HSP90AA1: variants seen among roughly 807,000 people sequenced by gnomAD.
HSP90AA1 encodes the protein heat shock protein HSP 90-alpha.
Under a neutral mutation model 73.3 loss-of-function variants are expected in HSP90AA1, and 18 were observed. That is an observed-to-expected ratio of 0.25 (90% confidence interval 0.17 to 0.36). HSP90AA1 has a LOEUF of 0.36. HSP90AA1 is among the 10% of genes least tolerant of loss of function. HSP90AA1 has a pLI of 1.00. For synonymous variants in HSP90AA1, 477 were observed against 296.9 expected, an observed-to-expected ratio of 1.61 and a Z score of -6.24; for missense variants, 704 against 874.2, an observed-to-expected ratio of 0.81 and a Z score of 2.45.
At chr14:102,105,382 T>G (rs2049553823) in intron 1 of HSP90AA1, among the ~76,000 whole-genome samples, 1 of 151,922 alleles carries the variant, frequency 6.6e-6, no homozygotes, top group African/African-American at 2.4e-5. Context: ...TGATGTAAAA[T>G]AGCCTCAGGG....
At chr14:102,117,147 G>T (rs937758264) in intron 1 of HSP90AA1, among the ~76,000 whole-genome samples, 2 of 152,192 alleles carry the variant, frequency 1.3e-5, no homozygotes, top group East Asian at 1.9e-4. Context: ...GCCAAGGGGG[G>T]TGCTAAGGGC....
chr14:102,116,085 G>A (rs989859552), intron 1 of HSP90AA1, among the ~76,000 whole-genome samples: 3 of 151,722 alleles, frequency 2.0e-5, no homozygotes, highest in Non-Finnish European at 4.4e-5. Flanking sequence ...CTAAGTAGTT[G>A]AGACTACAGG....
intron 2 of HSP90AA1, among the ~76,000 whole-genome samples, chr14:102,098,549 C>T (rs1198210299): frequency 1.3e-5 from 2 of 149,890 alleles, no homozygotes; most frequent in Non-Finnish European, 3.0e-5. Flanking sequence ...CCACAACCTC[C>T]GACTCCCTGG....
At chr14:102,118,674 A>G (rs2049738138) in intron 1 of HSP90AA1, among the ~76,000 whole-genome samples, 1 of 152,154 alleles carries the variant, frequency 6.6e-6, no homozygotes, top group African/African-American at 2.4e-5. Context: ...TAAAAATCAC[A>G]TACAAAATTC....
At position 102,084,484 on chromosome 14, in the gene HSP90AA1, G is replaced by A. The variant is rs2049175015; in HGVS notation, c.1062C>T (p.Asn354=). ...PRRAPFDLFE[N]RKKKNNIKLY... The stretch of plus-strand genomic sequence containing the variant: ...ATTTGATGTTGTTCTTTTTCTTTCT[G>A]TTTTCAAACAGATCAAAAGGAGCAC... The change falls in exon 6 of 11, where the codon AAC becomes AAT. Residue 354 remains asparagine (N), a synonymous_variant. Coordinates refer to ENST00000216281, the MANE Select transcript of HSP90AA1 (RefSeq NM_005348.4). 13 of 1,613,950 alleles carry A rather than the reference G, an allele frequency of 8.1e-6. No homozygotes were observed. The highest frequency in any genetic ancestry group is 1.0e-5 in the Non-Finnish European group (12 of 1,179,816).
intron 6 of HSP90AA1, 186 bp downstream of exon 6, chr14:102,084,213 A>C: frequency 1.5e-6 from 1 of 682,842 alleles, no homozygotes; most frequent in Non-Finnish European, 2.5e-6. Flanking sequence ...CATGGGGCTA[A>C]TTTTTGTAAT....
chr14:102,085,583 G>A lies in HSP90AA1; in HGVS notation c.530-152C>T, dbSNP rs1228019121. On this transcript the variant is annotated intron_variant, in intron 3 of 10. Coordinates refer to ENST00000216281, the MANE Select transcript of HSP90AA1 (RefSeq NM_005348.4). ...CAGAACCTTTTGGGCAAGGTGCCTC[G>A]CCCAAAAGAACCGCCCACCAAGTCA... The A allele has an allele frequency of 3.3e-6, 4 of 1,216,140 alleles. No homozygotes were observed. In the Admixed American group the frequency reaches 5.9e-5, roughly 18 times the overall value. The allele number at this position is 1,216,140 out of a possible 1,614,324, so 75.3% of individuals were successfully genotyped here.
At chr14:102,089,943 CTG>C (rs1321798565), upstream of HSP90AA1, among the ~76,000 whole-genome samples, 2 of 152,214 alleles carry the variant, frequency 1.3e-5, no homozygotes, top group Non-Finnish European at 2.9e-5. Context: ...TGTCTCCAAA[CTG>C]TAGCCAGGGT....
In HSP90AA1 at chr14:102,125,740, G is replaced by A. The variant is rs1355077299; in HGVS notation, c.155+13510C>T. Among the ~76,000 whole-genome samples the A allele has an allele frequency of 2.6e-5, 4 of 152,302 alleles. No homozygotes were observed. The East Asian group carries it at 7.7e-4, about 29-fold the overall frequency. ...GCAATCGTGTGTAGCGAACAACCTA[G>A]TGAGATGAGACAGCAATGTAATAAA... is the stretch of plus-strand genomic sequence containing the variant. On this transcript the variant is annotated intron_variant, in intron 1 of 11. Coordinates refer to the HSP90AA1 transcript ENST00000334701.
chr14:102,099,581 G>C (rs547700459), intron 2 of HSP90AA1, among the ~76,000 whole-genome samples: 8 of 152,036 alleles, frequency 5.3e-5, no homozygotes, highest in Non-Finnish European at 2.9e-5. Flanking sequence ...ATGCAGGAGA[G>C]AGAACTCCCT....
intron 2 of HSP90AA1, among the ~76,000 whole-genome samples, chr14:102,093,798 C>T (rs2049389973): frequency 6.6e-6 from 1 of 152,062 alleles, no homozygotes; most frequent in Non-Finnish European, 1.5e-5. Context: ...CGTGGTGAAA[C>T]CCCAGCTCTA....
At chr14:102,134,556 G>A in intron 1 of HSP90AA1, among the ~76,000 whole-genome samples, 1 of 152,134 alleles carries the variant, frequency 6.6e-6, no homozygotes, top group Non-Finnish European at 1.5e-5. Flanking sequence ...TGTGTTCAGA[G>A]TTTCTTCCTT....
intron 1 of HSP90AA1, among the ~76,000 whole-genome samples, chr14:102,135,457 A>T (rs2049977359): frequency 6.6e-6 from 1 of 152,280 alleles, no homozygotes. Context: ...CACCTAGTGG[A>T]TCCCGCACCG....
intron 1 of HSP90AA1, among the ~76,000 whole-genome samples, chr14:102,102,793 T>G (rs2049511331): frequency 6.6e-6 from 1 of 152,092 alleles, no homozygotes; most frequent in Admixed American, 6.5e-5. Context: ...TCCCAACACT[T>G]TGGAGGCCAA....
chr14:102,089,840 TC>T (rs1029637084), upstream of HSP90AA1, among the ~76,000 whole-genome samples: 36 of 151,986 alleles, frequency 2.4e-4, no homozygotes, highest in Non-Finnish European at 5.1e-4. Flanking sequence ...CCCAGCCACT[TC>T]CCTCCACCTT....
At chr14:102,139,181 C>T in intron 1 of HSP90AA1, 2 of 1,569,782 alleles carry the variant, frequency 1.3e-6, no homozygotes, top group South Asian at 1.1e-5. Flanking sequence ...TGCTGTACCA[C>T]ATTCTTCTCT....
intron 3 of HSP90AA1, 85 bp downstream of exon 3, chr14:102,085,673 G>A (rs2049212997): frequency 6.3e-7 from 1 of 1,584,148 alleles, no homozygotes. Context: ...AATTCTGTAA[G>A]CTTCACCGCA....
At chr14:102,090,940 T>A (rs1469700026), upstream of HSP90AA1, among the ~76,000 whole-genome samples, 1 of 152,254 alleles carries the variant, frequency 6.6e-6, no homozygotes, top group Middle Eastern at 3.2e-3. Context: ...GATTCAGATC[T>A]TAGCTCAGCC....
chr14:102,088,223 A>G (rs1010095338), upstream of HSP90AA1, among the ~76,000 whole-genome samples: 1 of 152,108 alleles, frequency 6.6e-6, no homozygotes, highest in African/African-American at 2.4e-5. Flanking sequence ...ATTTTGGCCA[A>G]GGCCAGCTGT....
Sources: allele counts gnomAD v4.1 joint callset (sites outside exome capture counted in the v4.1 genomes callset), GRCh38; gene constraint gnomAD v4.1.1; transcripts MANE v1.5; gene names NCBI Gene and HGNC (gene_info 2026-07-23, HGNC 2026-07-21).